The following CYRIA variants were observed in gnomAD, a reference collection of about 807,000 sequenced individuals.
CYRIA encodes CYFIP related Rac1 interactor A, also known as CYFIP-related Rac1 interactor A.
In CYRIA, 15 loss-of-function variants were observed where a neutral mutation model predicts 43.9. That is an observed-to-expected ratio of 0.34 (90% CI 0.23 to 0.53). The LOEUF (loss-of-function observed/expected upper bound fraction) is 0.53. Ranked by LOEUF, CYRIA falls within the 20% of genes least tolerant of loss-of-function variation. The pLI, the probability that CYRIA is intolerant of heterozygous loss-of-function variation, is 0.94. For synonymous variants in CYRIA, 117 were observed against 136.0 expected (o/e 0.86, Z 0.97); for missense variants, 236 against 394.2 (o/e 0.60, Z 3.40).
intron 1 of CYRIA, among the ~76,000 whole-genome samples, chr2:16,626,872 G>A (rs921865408): frequency 3.3e-5 from 5 of 152,180 alleles, no homozygotes; most frequent in African/African-American, 1.2e-4. Flanking sequence ...ACACAATCAG[G>A]AGTTTGCCCT....
chr2:16,600,237 G>A (rs982757988), intron 2 of CYRIA, among the ~76,000 whole-genome samples: 1 of 152,254 alleles, frequency 6.6e-6, no homozygotes, highest in Non-Finnish European at 1.5e-5. Flanking sequence ...CTAGCAATCT[G>A]AAGTCGGGGA....
At chr2:16,645,483 T>C (rs1669793365) in intron 1 of CYRIA, among the ~76,000 whole-genome samples, 1 of 152,206 alleles carries the variant, frequency 6.6e-6, no homozygotes, top group South Asian at 2.1e-4. Context: ...ATCTGATATG[T>C]AATAGACATT....
At chr2:16,662,945 T>C (rs993433660) in intron 1 of CYRIA, among the ~76,000 whole-genome samples, 1 of 152,204 alleles carries the variant, frequency 6.6e-6, no homozygotes, top group Non-Finnish European at 1.5e-5. Flanking sequence ...TTCGAACCCC[T>C]AGTTCCCAAA....
intron 3 of CYRIA, among the ~76,000 whole-genome samples, chr2:16,577,380 T>C (rs1028076430): frequency 3.9e-5 from 6 of 152,180 alleles, no homozygotes; most frequent in Non-Finnish European, 7.3e-5. Context: ...CATTTTCATA[T>C]TTTTTAAAAA....
At chr2:16,573,312 G>A (rs921318652) in intron 3 of CYRIA, among the ~76,000 whole-genome samples, 3 of 152,208 alleles carry the variant, frequency 2.0e-5, no homozygotes, top group African/African-American at 7.2e-5. Flanking sequence ...CTTGATCCCT[G>A]ACAGTGTCTC....
chr2:16,583,351 T>C (rs1667616388), intron 3 of CYRIA, among the ~76,000 whole-genome samples: 1 of 152,208 alleles, frequency 6.6e-6, no homozygotes, highest in Non-Finnish European at 1.5e-5. Context: ...AGCTTCCCTG[T>C]TGTAAACACT....
chr2:16,550,367 G>A lies in CYRIA; in HGVS notation c.*2569C>T, dbSNP rs758260964. On this transcript the variant is annotated 3_prime_UTR_variant, in exon 12 of 12. Coordinates refer to ENST00000381323, the MANE Select transcript of CYRIA (RefSeq NM_030797.4). ...GTTCAATGACTCCTGATGCCGGGAG[G>A]ACAGGCTGTTAAAAGAATTTGTCTC... 7.3e-5 allele frequency: 11 copies of A among 151,618 alleles called. No homozygotes were observed. The highest frequency in any genetic ancestry group is 1.6e-4 in the Non-Finnish European group (11 of 67,952). The allele number at this position is 151,618 out of a possible 1,614,324, so 9.4% of individuals were successfully genotyped here. A position where few individuals can be genotyped will look rare whatever the true frequency, so the allele number is the denominator to read the frequency against.
In CYRIA at chr2:16,650,208, A is replaced by G. The variant is rs1669935736; in HGVS notation, c.-167+15572T>C. Among the ~76,000 whole-genome samples, 1 of 152,214 alleles carries G rather than the reference A, an allele frequency of 6.6e-6. No individual in the cohort carries two copies. Among genetic ancestry groups the G allele is most frequent in the African/African-American group, 2.4e-5 (1 of 41,462 alleles). On this transcript the variant is annotated intron_variant, in intron 1 of 11. Transcript: ENST00000381323. This position sits in a 1 kb window ranked among gnomAD's most constrained non-coding sequence, Gnocchi z 4.1. ...AGTGACATACTCCACATTTTTCCAG[A>G]TTAAATAATTTTATATTCACAGGTA... is the stretch of plus-strand genomic sequence containing the variant.
chr2:16,570,234 C>A (rs1667079337), intron 3 of CYRIA, among the ~76,000 whole-genome samples: 1 of 152,078 alleles, frequency 6.6e-6, no homozygotes. Flanking sequence ...TCATAGCTCA[C>A]TGCACTCAAA....
At chr2:16,662,616 G>C (rs1433735022) in intron 1 of CYRIA, among the ~76,000 whole-genome samples, 2 of 152,186 alleles carry the variant, frequency 1.3e-5, no homozygotes, top group African/African-American at 4.8e-5. Context: ...TTCTACGAGA[G>C]GATGAGTCAA....
In CYRIA at chr2:16,565,751, T is replaced by G; in HGVS notation, c.87A>C (p.Glu29Asp). The G allele has an allele frequency of 6.3e-7, 1 of 1,577,038 alleles. No individual in the cohort carries two copies. The highest frequency in any genetic ancestry group is 8.7e-7 in the Non-Finnish European group (1 of 1,151,920). The stretch of plus-strand genomic sequence containing the variant: ...TCTGGTTCCAGATTTCTCTCTCTCC[T>G]TCTGTAGGCTGAGCATCTAAGAAAC... ...FLDFENAQPT[E>D]GEREIWNQIS... Residue 29 changes from glutamate (E) to aspartate (D), a missense_variant, in exon 4 of 12, where the codon GAA becomes GAC. Around this residue, in one of 3 missense-constraint regions of CYRIA, gnomAD observed 193 missense variants for 303.9 expected, o/e 0.64. Coordinates refer to ENST00000381323, the MANE Select transcript of CYRIA (RefSeq NM_030797.4).
chr2:16,559,678 C>T lies in CYRIA; in HGVS notation c.711-92G>A, dbSNP rs748750144. The T allele has an allele frequency of 7.2e-5, 104 of 1,453,112 alleles. No homozygotes were observed. The Middle Eastern group carries it at 1.7e-3, about 23-fold the overall frequency. The allele number at this position is 1,453,112 out of a possible 1,614,324, so 90.0% of individuals were successfully genotyped here. On this transcript the variant is annotated intron_variant, in intron 9 of 11. Coordinates refer to ENST00000381323, the MANE Select transcript of CYRIA (RefSeq NM_030797.4). ...ACTGGATACTTTAGATGCCTCCAAT[C>T]CTCTCTTGGGAACAATCCCAGACCT...
chr2:16,553,133 C>CA (rs1666374496), intron 11 of CYRIA, 134 bp from the exon 12 acceptor site: 1 of 655,152 alleles, frequency 1.5e-6, no homozygotes, highest in Admixed American at 2.5e-5. Flanking sequence ...TCAATGCTCA[C>CA]AGTCATCTCA....
At chr2:16,573,604 C>T (rs940479707) in intron 3 of CYRIA, among the ~76,000 whole-genome samples, 10 of 152,200 alleles carry the variant, frequency 6.6e-5, no homozygotes, top group Non-Finnish European at 1.3e-4. Context: ...TGGGAGGGAC[C>T]CAGTGGGAGA....
intron 2 of CYRIA, among the ~76,000 whole-genome samples, chr2:16,607,066 A>G (rs899032414): frequency 6.6e-6 from 1 of 152,224 alleles, no homozygotes; most frequent in Non-Finnish European, 1.5e-5. Context: ...AGAATGTCCA[A>G]AGTGTTGAAA....
At chr2:16,629,394 G>A (rs1343821227) in intron 1 of CYRIA, among the ~76,000 whole-genome samples, 2 of 152,228 alleles carry the variant, frequency 1.3e-5, no homozygotes, top group Admixed American at 6.5e-5. Flanking sequence ...TCTCTGACAA[G>A]AGGAAGGAAG....
chr2:16,571,673 T>A (rs1196125621), intron 3 of CYRIA, among the ~76,000 whole-genome samples: 1 of 152,196 alleles, frequency 6.6e-6, no homozygotes, highest in East Asian at 1.9e-4. Context: ...TGGCATTTCA[T>A]CAATAGGATA....
chr2:16,586,986 C>T (rs1397006945), intron 3 of CYRIA, among the ~76,000 whole-genome samples: 1 of 152,034 alleles, frequency 6.6e-6, no homozygotes, highest in Non-Finnish European at 1.5e-5. Context: ...TACTCATTCT[C>T]ATTTGTCAAT....
At position 16,550,148 on chromosome 2, in the gene CYRIA, AAC is replaced by A. The variant is rs1666246071; in HGVS notation, c.*2786_*2787del. 6.6e-6 allele frequency: 1 copy of A among 152,054 alleles called. No individual in the cohort carries two copies. The highest frequency in any genetic ancestry group is 1.5e-5 in the Non-Finnish European group (1 of 67,984). 9.4% of individuals were successfully genotyped at this position (152,054 alleles called of 1,614,324 possible). On this transcript the variant is annotated 3_prime_UTR_variant, in exon 12 of 12. Transcript: ENST00000381323. ...AAAAATAAATATCTCAGTCATGGAA[AAC>A]ACTGTTTATTTGAAAACAATGAGAC...
Sources: allele counts gnomAD v4.1 joint callset (sites outside exome capture counted in the v4.1 genomes callset), GRCh38; gene constraint gnomAD v4.1.1; regional missense constraint gnomAD v4.1.1; non-coding constraint Gnocchi (gnomAD v3.1); transcripts MANE v1.5; gene names NCBI Gene and HGNC (gene_info 2026-07-23, HGNC 2026-07-21).